SLC22A25: variants seen among roughly 807,000 people sequenced by gnomAD.
SLC22A25 encodes the protein MGI:2442751, MGI:2385316, MGI:3042283, MGI:3645714, MGI:3605624, MGI:2442750.
Under a neutral mutation model 45.9 loss-of-function variants are expected in SLC22A25, and 44 were observed. The observed-to-expected ratio is 0.96, with a 90% CI of 0.75 to 1.23. The LOEUF is 1.23. Among genes scored for constraint, SLC22A25 ranks in the 50% most tolerant of loss-of-function variants. The pLI is 0.00. For missense variants in SLC22A25, 800 were observed against 666.4 expected, an observed-to-expected ratio of 1.20 and a Z score of -2.21; for synonymous variants, 283 against 238.6, an observed-to-expected ratio of 1.19 and a Z score of -1.72.
intron 7 of SLC22A25, among the ~76,000 whole-genome samples, chr11:63,210,496 C>T (rs531441094): frequency 1.9e-4 from 29 of 152,112 alleles, no homozygotes; most frequent in South Asian, 1.9e-3. Context: ...ATGAGTGCCC[C>T]GAAAAGGAAA....
At position 63,160,663 on chromosome 11, in the gene SLC22A25, G is replaced by C. The variant is rs1348437088; in HGVS notation, c.*3161C>G. On this transcript the variant is annotated 3_prime_UTR_variant, in exon 12 of 12. Coordinates refer to ENST00000306494, the MANE Select transcript of SLC22A25 (RefSeq NM_199352.6). The stretch of plus-strand genomic sequence containing the variant: ...GACCTCCAGACCCCAGAATTGTAAA[G>C]GCATTGACAGCTTGCACTGCACACC... Among the ~76,000 whole-genome samples the C allele has an allele frequency of 6.6e-6, 1 of 152,136 alleles. No individual in the cohort carries two copies. Among genetic ancestry groups the C allele is most frequent in the Non-Finnish European group, 1.5e-5 (1 of 68,020 alleles).
chr11:63,166,083 G>T lies in SLC22A25; in HGVS notation c.1246C>A (p.Leu416Met). The change falls in exon 10 of 12, where the codon CTG becomes ATG. Residue 416 changes from leucine to methionine, a missense_variant. Physicochemically the swap from Leu to Met is conservative, Grantham distance 15 (BLOSUM62 2). Coordinates refer to ENST00000306494, the MANE Select transcript of SLC22A25 (RefSeq NM_199352.6). ...ATGATGGCCAGAAGGCAGGTTGCCA[G>T]TAGGAACATGAGAAGCATCTGGCTT... ...RLSQMLLMFL[L>M]ATCLLAIIFV... 1 of 1,614,018 alleles carries T rather than the reference G, an allele frequency of 6.2e-7. No individual in the cohort carries two copies. The highest frequency in any genetic ancestry group is 8.5e-7 in the Non-Finnish European group (1 of 1,179,924).
intron 9 of SLC22A25, among the ~76,000 whole-genome samples, chr11:63,169,147 C>T (rs1352173039): frequency 6.6e-6 from 1 of 152,124 alleles, no homozygotes; most frequent in Non-Finnish European, 1.5e-5. Context: ...GCAGGCCTGC[C>T]TTACAAGAGC....
chr11:63,186,661 A>G (rs545070475), intron 7 of SLC22A25, among the ~76,000 whole-genome samples: 65 of 152,164 alleles, frequency 4.3e-4, no homozygotes, highest in African/African-American at 7.2e-4. Context: ...TTTCTTCTAC[A>G]GTTTTTATGC....
intron 3 of SLC22A25, among the ~76,000 whole-genome samples, chr11:63,235,272 C>T (rs1198619219): frequency 6.6e-6 from 1 of 152,216 alleles, no homozygotes; most frequent in East Asian, 1.9e-4. Context: ...CCGTCACTTT[C>T]AGGTACACCA....
intron 9 of SLC22A25, among the ~76,000 whole-genome samples, chr11:63,178,803 T>C (rs1427799284): frequency 6.6e-6 from 1 of 152,100 alleles, no homozygotes; most frequent in African/African-American, 2.4e-5. Context: ...GTGCAGAAGA[T>C]TTTTAGCTTG....
At chr11:63,218,557 A>G (rs554434772) in intron 5 of SLC22A25, among the ~76,000 whole-genome samples, 2 of 152,348 alleles carry the variant, frequency 1.3e-5, no homozygotes, top group East Asian at 3.9e-4. Flanking sequence ...ACAGTGCACC[A>G]TGAACACAAG....
intron 7 of SLC22A25, among the ~76,000 whole-genome samples, chr11:63,206,692 A>T (rs1242127946): frequency 6.6e-6 from 1 of 152,238 alleles, no homozygotes; most frequent in Non-Finnish European, 1.5e-5. Context: ...ATATCATAAA[A>T]ATGGCCATAC....
At chr11:63,241,122 T>C (rs1225474218) in intron 1 of SLC22A25, among the ~76,000 whole-genome samples, 1 of 152,204 alleles carries the variant, frequency 6.6e-6, no homozygotes, top group Non-Finnish European at 1.5e-5. Context: ...GGCAGAAATG[T>C]GTGTGCAAGG....
intron 7 of SLC22A25, among the ~76,000 whole-genome samples, chr11:63,198,938 C>T (rs1490088807): frequency 6.6e-6 from 1 of 151,996 alleles, no homozygotes; most frequent in Middle Eastern, 3.2e-3. Context: ...GTACTAAATG[C>T]TCACATCAAA....
intron 10 of SLC22A25, among the ~76,000 whole-genome samples, chr11:63,165,376 G>A (rs1053185810): frequency 7.9e-5 from 12 of 152,162 alleles, no homozygotes; most frequent in South Asian, 2.1e-4. Context: ...TTACTAGACC[G>A]GGAGTGAGGT....
intron 9 of SLC22A25, among the ~76,000 whole-genome samples, chr11:63,172,374 T>C (rs368558856): frequency 6.6e-6 from 1 of 152,084 alleles, no homozygotes. Flanking sequence ...CAGAATGGGA[T>C]AAATTTTTGC....
At chr11:63,214,484 G>A (rs911546228) in intron 7 of SLC22A25, among the ~76,000 whole-genome samples, 7 of 152,202 alleles carry the variant, frequency 4.6e-5, no homozygotes, top group African/African-American at 1.4e-4. Context: ...GAAACAGAAA[G>A]AGCTGGAGTC....
chr11:63,206,021 C>A (rs1260697254), intron 7 of SLC22A25, among the ~76,000 whole-genome samples: 2 of 152,144 alleles, frequency 1.3e-5, no homozygotes, highest in Admixed American at 6.5e-5. Context: ...ATAAACAGAA[C>A]AAATGACAAA....
At position 63,166,034 on chromosome 11, in the gene SLC22A25, C is replaced by T; in HGVS notation, c.1285+10G>A. 1 of 1,612,510 alleles carries T rather than the reference C, an allele frequency of 6.2e-7. No homozygotes were observed. The highest frequency in any genetic ancestry group is 8.5e-7 in the Non-Finnish European group (1 of 1,178,712). ...ACATTTTCTTTCTTCCACCTGTGAA[C>T]TTTTCTCACCTTGAGGCACAAATAT... On this transcript the variant is annotated intron_variant, in intron 10 of 11. Coordinates refer to ENST00000306494, the MANE Select transcript of SLC22A25 (RefSeq NM_199352.6).
At chr11:63,214,761 G>T (rs983268146) in intron 7 of SLC22A25, among the ~76,000 whole-genome samples, 11 of 138,218 alleles carry the variant, frequency 8.0e-5, no homozygotes, top group African/African-American at 3.0e-4. Flanking sequence ...ATGTTTAAAA[G>T]GTAACTTAAC....
intron 7 of SLC22A25, among the ~76,000 whole-genome samples, chr11:63,185,291 C>T (rs1043070039): frequency 1.3e-5 from 2 of 151,954 alleles, no homozygotes; most frequent in Admixed American, 6.6e-5. Context: ...TTCCCCCTCC[C>T]CTCACCCCAC....
chr11:63,225,947 A>T (rs2089953491), intron 5 of SLC22A25, among the ~76,000 whole-genome samples: 1 of 151,938 alleles, frequency 6.6e-6, no homozygotes, highest in South Asian at 2.1e-4. Flanking sequence ...CCATATGTCA[A>T]TTGCATTTCT....
chr11:63,238,156 T>G lies in SLC22A25; in HGVS notation c.-576-144A>C, dbSNP rs1407499069. On this transcript the variant is annotated intron_variant, in intron 2 of 11. Coordinates refer to ENST00000306494, the MANE Select transcript of SLC22A25 (RefSeq NM_199352.6). ...CCTCTGTAGCCTCCCTTTTCTTTAC[T>G]ATTTGACCTTTATCATTCAGGTCTC... The G allele has an allele frequency of 2.0e-5, 3 of 152,242 alleles. No homozygotes were observed. The East Asian group carries it at 5.8e-4, about 29-fold the overall frequency. The allele number at this position is 152,242 out of a possible 1,614,324, so 9.4% of individuals were successfully genotyped here. A position where few individuals can be genotyped will look rare whatever the true frequency, so the allele number is the denominator to read the frequency against.
Sources: gnomAD v4.1 joint callset for allele counts (sites outside exome capture counted in the v4.1 genomes callset) on GRCh38, gnomAD v4.1.1 for gene constraint, MANE v1.5 for transcripts, NCBI Gene and HGNC (gene_info 2026-07-23, HGNC 2026-07-21) for gene names.